The following MMRN2 variants were observed in gnomAD, a reference collection of about 807,000 sequenced individuals.
The protein encoded by MMRN2 is multimerin 2, also known as multimerin-2.
In MMRN2, 53 loss-of-function variants were observed where a neutral mutation model predicts 68.8. The ratio of observed to expected loss-of-function variants is 0.77; its 90% CI spans 0.62 to 0.97. MMRN2 has a LOEUF of 0.97. Among genes scored for constraint, MMRN2 ranks in the 50% least tolerant of loss-of-function variants. The pLI is 0.00. For synonymous variants in MMRN2, 564 were observed against 551.6 expected (o/e 1.02, Z -0.32); for missense variants, 1,266 against 1,259.5 (o/e 1.01, Z -0.08).
chr10:86,954,927 T>C (rs145252257), intron 1 of MMRN2, among the ~76,000 whole-genome samples: 156 of 152,182 alleles, frequency 1.0e-3, no homozygotes, highest in African/African-American at 3.6e-3. Flanking sequence ...CTGTGTGACC[T>C]CCAGTCATAT....
intron 1 of MMRN2, among the ~76,000 whole-genome samples, chr10:86,947,795 G>T (rs1261416374): frequency 6.6e-6 from 1 of 152,132 alleles, no homozygotes; most frequent in Non-Finnish European, 1.5e-5. Context: ...GACAGCAGGG[G>T]TTCTCCCATA....
intron 6 of MMRN2, among the ~76,000 whole-genome samples, chr10:86,939,461 C>CAAAAAAAA (rs34692290): frequency 1.3e-5 from 1 of 74,586 alleles, no homozygotes; most frequent in Non-Finnish European, 2.4e-5. Context: ...GACTCCGTCT[C>CAAAAAAAA]AAAAAAAAAA....
chr10:86,940,611 G>A (rs577699231), intron 6 of MMRN2, among the ~76,000 whole-genome samples: 1 of 152,354 alleles, frequency 6.6e-6, no homozygotes, highest in Admixed American at 6.5e-5. Context: ...CCATTTTACT[G>A]AGGAAGAAAC....
chr10:86,947,227 A>G (rs997903564), intron 1 of MMRN2, among the ~76,000 whole-genome samples: 1 of 152,190 alleles, frequency 6.6e-6, no homozygotes, highest in Non-Finnish European at 1.5e-5. Flanking sequence ...GTGGGCTCTT[A>G]GAAAGCAGCA....
At chr10:86,955,648 G>A (rs1156548086) in intron 1 of MMRN2, among the ~76,000 whole-genome samples, 1 of 152,202 alleles carries the variant, frequency 6.6e-6, no homozygotes, top group Non-Finnish European at 1.5e-5. Context: ...GACAGGGTCT[G>A]GAGCACGCTT....
chr10:86,944,538 G>C, intron 4 of MMRN2, 103 bp from the exon 5 acceptor site: 4 of 1,278,182 alleles, frequency 3.1e-6, no homozygotes, highest in Non-Finnish European at 4.4e-6. Context: ...AGGGAAGTTA[G>C]CTGCTGATGT....
At position 86,936,458 on chromosome 10, in the gene MMRN2, A is replaced by C. The variant is rs188374127; in HGVS notation, c.*285T>G. The C allele has an allele frequency of 1.9e-6, 1 of 531,152 alleles. No individual in the cohort carries two copies. Among genetic ancestry groups the C allele is most frequent in the African/African-American group, 1.9e-5 (1 of 53,210 alleles). 32.9% of individuals were successfully genotyped at this position (531,152 alleles called of 1,614,324 possible). A position where few individuals can be genotyped will look rare whatever the true frequency, so the allele number is the denominator to read the frequency against. On this transcript the variant is annotated 3_prime_UTR_variant, in exon 7 of 7. Coordinates refer to ENST00000372027, the MANE Select transcript of MMRN2 (RefSeq NM_024756.3). ...AGTTGTAGAATACAGGGTGTGGTGA[A>C]GAGTTGGAGCCCAGGCCGTGCTGTC...
At chr10:86,939,258 T>TA (rs1433067966) in intron 6 of MMRN2, among the ~76,000 whole-genome samples, 1 of 150,470 alleles carries the variant, frequency 6.6e-6, no homozygotes. Context: ...GGTCAGGAGA[T>TA]AGAGACCAGC....
intron 1 of MMRN2, among the ~76,000 whole-genome samples, chr10:86,955,990 G>A (rs1165547174): frequency 1.3e-5 from 2 of 152,166 alleles, no homozygotes; most frequent in African/African-American, 2.4e-5. Context: ...AGGGGGTGGG[G>A]AGGAAGAGGA....
chr10:86,939,839 T>TTGTGTGTGTG (rs1179394300), intron 6 of MMRN2, among the ~76,000 whole-genome samples: 1 of 120,290 alleles, frequency 8.3e-6, no homozygotes, highest in African/African-American at 2.9e-5. Context: ...GTGTGTGTGT[T>TTGTGTGTGTG]TGTGTGTGTG....
intron 1 of MMRN2, among the ~76,000 whole-genome samples, chr10:86,947,855 T>C (rs1262218028): frequency 6.6e-6 from 1 of 152,118 alleles, no homozygotes; most frequent in Non-Finnish European, 1.5e-5. Flanking sequence ...GAAAGGAGTA[T>C]TCATACACCC....
chr10:86,943,695 C>T lies in MMRN2; in HGVS notation c.1089G>A (p.Arg363=). 1 of 1,610,416 alleles carries T rather than the reference C, an allele frequency of 6.2e-7. No individual in the cohort carries two copies. The highest frequency in any genetic ancestry group is 8.5e-7 in the Non-Finnish European group (1 of 1,179,998). The change falls in exon 6 of 7, where the codon AGG becomes AGA. Residue 363 remains arginine (R), a synonymous_variant. Transcript: ENST00000372027. This position sits in a 1 kb window ranked among gnomAD's most constrained non-coding sequence, Gnocchi z 4.2. ...LVLATPGAGA[R]PEPDSLQARL... is the part of the protein sequence containing the mutation. ...TGGCCTGCAGGCTGTCCGGCTCAGG[C>T]CTTGCCCCAGCCCCAGGCGTTGCCA...
intron 6 of MMRN2, among the ~76,000 whole-genome samples, chr10:86,939,584 C>G (rs1279242954): frequency 2.0e-5 from 3 of 152,136 alleles, no homozygotes; most frequent in Non-Finnish European, 4.4e-5. Flanking sequence ...GGAAGGCCGG[C>G]CCGCAGCGCC....
rs146099184 is a variant in MMRN2 at position 86,957,455 on chromosome 10, G to A, written c.87C>T (p.Leu29=). Residue 29 remains leucine (L), a synonymous_variant, in exon 1 of 7, where the codon CTC becomes CTT. Coordinates refer to ENST00000372027, the MANE Select transcript of MMRN2 (RefSeq NM_024756.3). The part of the protein sequence containing the change: ...GAWAQASSTS[L]SDLQSSRTPG... ...GTGTCCTGGAGCTCTGCAGATCAGA[G>A]AGGCTAGTACTGGAAGCCTGGGCCC... is the stretch of plus-strand genomic sequence containing the variant. The A allele has an allele frequency of 1.5e-4, 249 of 1,613,604 alleles. No individual in the cohort carries two copies. Among genetic ancestry groups the A allele is most frequent in the Middle Eastern group, 3.3e-4 (2 of 6,074 alleles).
chr10:86,937,046 G>A lies in MMRN2; in HGVS notation c.2547C>T (p.Ile849=). The change falls in exon 7 of 7, where the codon ATC becomes ATT. Residue 849 remains isoleucine (I), a synonymous_variant. Transcript: ENST00000372027. The part of the protein sequence containing the change: ...LQTVKFNTTY[I]NIGSSYFPEH... ...CAGGGAAGTAGCTGCTGCCAATGTT[G>A]ATGTATGTGGTGTTGAACTTCACTG... 6.2e-7 allele frequency: 1 copy of A among 1,614,222 alleles called. No homozygotes were observed. Among genetic ancestry groups the A allele is most frequent in the South Asian group, 1.1e-5 (1 of 91,082 alleles).
rs1299751015 is a variant in MMRN2, at chr10:86,943,487, C to G, written c.1297G>C (p.Val433Leu). Residue 433 changes from valine (V) to leucine (L), a missense_variant, in exon 6 of 7, where the codon GTG becomes CTG. Transcript: ENST00000372027. This position sits in a 1 kb window ranked among gnomAD's most constrained non-coding sequence, Gnocchi z 4.2. ...FDQISKVERQ[V>L]EELQVNHTAL... ...GTGTGGTTCACCTGCAGCTCCTCCA[C>G]CTGCCGCTCCACCTTGCTAATCTGA... The G allele has an allele frequency of 5.6e-6, 9 of 1,614,168 alleles. No homozygotes were observed. In the South Asian group the frequency reaches 9.9e-5, roughly 18 times the overall value.
intron 1 of MMRN2, among the ~76,000 whole-genome samples, chr10:86,947,151 G>C (rs1368980127): frequency 6.6e-6 from 1 of 152,166 alleles, no homozygotes; most frequent in African/African-American, 2.4e-5. Context: ...CTGTGTCCAC[G>C]GTCTGGGGAG....
intron 6 of MMRN2, among the ~76,000 whole-genome samples, chr10:86,939,774 G>C (rs1843937145): frequency 2.0e-5 from 3 of 151,838 alleles, no homozygotes; most frequent in Admixed American, 2.0e-4. Flanking sequence ...AAGCCCTACA[G>C]CCTTCCTACA....
Position 86,943,117 on chromosome 10 carries a change from C to T in MMRN2, c.1667G>A (p.Arg556Gln). The T allele has an allele frequency of 6.6e-7, 1 of 1,525,172 alleles. No homozygotes were observed. Among genetic ancestry groups the T allele is most frequent in the Non-Finnish European group, 8.8e-7 (1 of 1,142,168 alleles). 94.5% of individuals were successfully genotyped at this position (1,525,172 alleles called of 1,614,324 possible). ...AVDAHKAEGE[R>Q]ARAATSRLRS... The stretch of plus-strand genomic sequence containing the variant: ...GAGCCGCGACGTGGCCGCCCGCGCC[C>T]GCTCGCCCTCCGCTTTGTGCGCGTC... Residue 556 changes from arginine (R) to glutamine (Q), a missense_variant, in exon 6 of 7, where the codon CGG becomes CAG. Physicochemically the swap from Arg to Gln is conservative, Grantham distance 43 (BLOSUM62 1). Transcript: ENST00000372027. This position sits in a 1 kb window ranked among gnomAD's most constrained non-coding sequence, Gnocchi z 4.2.
Sources: allele counts gnomAD v4.1 joint callset (sites outside exome capture counted in the v4.1 genomes callset), GRCh38; gene constraint gnomAD v4.1.1; non-coding constraint Gnocchi (gnomAD v3.1); transcripts MANE v1.5; gene names NCBI Gene and HGNC (gene_info 2026-07-23, HGNC 2026-07-21).